The following RNLS variants were observed in gnomAD, a reference collection of about 807,000 sequenced individuals.
The protein encoded by RNLS is renalase.
A neutral mutation model predicts 39.8 loss-of-function variants in RNLS; 39 were observed. The ratio of observed to expected loss-of-function variants is 0.98; its 90% CI spans 0.76 to 1.28. The LOEUF (loss-of-function observed/expected upper bound fraction) is 1.28. RNLS is among the 50% of genes most tolerant of loss of function. The probability of loss-of-function intolerance (pLI) is 0.00; values close to 1 mark genes in which losing one functional copy is unlikely to be tolerated. For missense variants in RNLS, 410 were observed against 413.3 expected (o/e 0.99, Z 0.07); for synonymous variants, 147 against 150.7 (o/e 0.98, Z 0.18).
At chr10:88,412,335 G>A (rs557157762) in intron 4 of RNLS, among the ~76,000 whole-genome samples, 1 of 152,030 alleles carries the variant, frequency 6.6e-6, no homozygotes, top group African/African-American at 2.4e-5. Flanking sequence ...TGTAAGCGGG[G>A]GTGTTGAATG....
At chr10:88,347,490 T>A (rs1245018153) in intron 5 of RNLS, among the ~76,000 whole-genome samples, 1 of 152,128 alleles carries the variant, frequency 6.6e-6, no homozygotes. Flanking sequence ...ATATTGCCAT[T>A]TAGGCAGCAG....
chr10:88,491,979 GT>G (rs1844911536), intron 4 of RNLS, among the ~76,000 whole-genome samples: 1 of 149,266 alleles, frequency 6.7e-6, no homozygotes, highest in Non-Finnish European at 1.5e-5. Context: ...TTTTTTAGGG[GT>G]AAAATAAAAT....
At chr10:88,287,745 G>C (rs777303753) in intron 6 of RNLS, among the ~76,000 whole-genome samples, 1 of 152,072 alleles carries the variant, frequency 6.6e-6, no homozygotes, top group African/African-American at 2.4e-5. Flanking sequence ...GCATGTGAAG[G>C]AGGAACTGTC....
the RNLS span, among the ~76,000 whole-genome samples, chr10:88,184,427 A>T: frequency 2.6e-5 from 4 of 152,146 alleles, no homozygotes; most frequent in Non-Finnish European, 5.9e-5. Context: ...TGGGGGAGAC[A>T]TTGAAATTGA....
chr10:88,469,030 T>C (rs1843366308), intron 4 of RNLS, among the ~76,000 whole-genome samples: 1 of 152,174 alleles, frequency 6.6e-6, no homozygotes, highest in Admixed American at 6.6e-5. Flanking sequence ...ATGTTCATGA[T>C]ACATTAAAAA....
chr10:88,473,115 G>A (rs1843638128), intron 4 of RNLS, among the ~76,000 whole-genome samples: 1 of 152,098 alleles, frequency 6.6e-6, no homozygotes, highest in South Asian at 2.1e-4. Flanking sequence ...AATACTGTAG[G>A]CAACTGTAGC....
intron 5 of RNLS, among the ~76,000 whole-genome samples, chr10:88,339,616 G>A (rs1287765659): frequency 6.6e-6 from 1 of 152,126 alleles, no homozygotes; most frequent in African/African-American, 2.4e-5. Flanking sequence ...CACACAACAT[G>A]GTACCTGGCT....
chr10:88,388,846 C>A (rs1471261098), intron 4 of RNLS, among the ~76,000 whole-genome samples: 2 of 152,158 alleles, frequency 1.3e-5, no homozygotes. Flanking sequence ...CCAGAGCTTA[C>A]AACGTGGTAC....
chr10:88,226,465 A>C, the RNLS span, among the ~76,000 whole-genome samples: 2 of 152,208 alleles, frequency 1.3e-5, no homozygotes, highest in Non-Finnish European at 2.9e-5. Flanking sequence ...AACACTTGAT[A>C]AAGTTGGAGA....
chr10:88,244,910 G>C, the RNLS span, among the ~76,000 whole-genome samples: 19 of 152,166 alleles, frequency 1.2e-4, no homozygotes, highest in Admixed American at 1.1e-3. Flanking sequence ...GGGTAGCAAG[G>C]ATGGTGCCAT....
chr10:88,476,624 T>A (rs192479435), intron 4 of RNLS, among the ~76,000 whole-genome samples: 1 of 152,298 alleles, frequency 6.6e-6, no homozygotes, highest in African/African-American at 2.4e-5. Context: ...CTTGTAATAT[T>A]TCAAAGCAGA....
chr10:88,534,643 T>C (rs1463031452), intron 4 of RNLS, among the ~76,000 whole-genome samples: 1 of 152,068 alleles, frequency 6.6e-6, no homozygotes, highest in East Asian at 1.9e-4. Context: ...GTGTTGAGAA[T>C]TACACAAGCC....
chr10:88,305,452 C>T (rs769137967), intron 6 of RNLS, among the ~76,000 whole-genome samples: 7 of 152,160 alleles, frequency 4.6e-5, no homozygotes, highest in Admixed American at 2.0e-4. Flanking sequence ...AGAGACCCAT[C>T]TCACATGCAA....
At chr10:88,398,407 A>C (rs1820450082) in intron 4 of RNLS, among the ~76,000 whole-genome samples, 1 of 151,912 alleles carries the variant, frequency 6.6e-6, no homozygotes. Context: ...CCAGAGTGTG[A>C]GAGCTGGTTA....
At chr10:88,336,885 A>T (rs7912780) in intron 5 of RNLS, among the ~76,000 whole-genome samples, 25,078 of 151,998 alleles carry the variant, frequency 0.16, 2,769 homozygotes, top group African/African-American at 0.32. Flanking sequence ...ATGTAACATC[A>T]AGGTGTTGTG....
rs934752176 is a variant in RNLS, at chr10:88,436,438, C to G, written c.527-73713G>C. On this transcript the variant is annotated intron_variant, in intron 4 of 6. Transcript: ENST00000331772. ...AACCAAATTCTAGCCCCCTGTTCCA[C>G]AGCAAATCCACAGATTTATGCCAGT... Among the ~76,000 whole-genome samples, 3 of 152,284 alleles carry G rather than the reference C, an allele frequency of 2.0e-5. No homozygotes were observed. The South Asian group carries it at 6.2e-4, about 32-fold the overall frequency.
At position 88,390,116 on chromosome 10, in the gene RNLS, G is replaced by A. The variant is rs112227499; in HGVS notation, c.527-27391C>T. On this transcript the variant is annotated intron_variant, in intron 4 of 6. Coordinates refer to ENST00000331772, the MANE Select transcript of RNLS (RefSeq NM_001031709.3). ...TGTAATTAGGCTCACCATCAAAGCTGATAAAATCATCAAAATGGTAAGTGT... is the reference window on the plus strand; with the variant it reads ...TGTAATTAGGCTCACCATCAAAGCTAATAAAATCATCAAAATGGTAAGTGT... 1.7e-4 allele frequency among the ~76,000 whole-genome samples: 26 copies of A among 152,340 alleles called. 2 individuals carry two copies. Among genetic ancestry groups the A allele is most frequent in the African/African-American group, 5.8e-4 (24 of 41,578 alleles).
intron 4 of RNLS, among the ~76,000 whole-genome samples, chr10:88,475,760 A>G (rs889702574): frequency 3.3e-5 from 5 of 152,176 alleles, no homozygotes; most frequent in African/African-American, 1.2e-4. Context: ...TCAGCCTTTT[A>G]AAATTTTTAA....
At chr10:88,218,440 G>T in the RNLS span, among the ~76,000 whole-genome samples, 19 of 152,170 alleles carry the variant, frequency 1.2e-4, no homozygotes, top group Middle Eastern at 3.2e-3. Context: ...ACTTTCCTGG[G>T]GTTTTGTTCC....
Sources: gnomAD v4.1 joint callset for allele counts (sites outside exome capture counted in the v4.1 genomes callset) on GRCh38, gnomAD v4.1.1 for gene constraint, MANE v1.5 for transcripts, NCBI Gene and HGNC (gene_info 2026-07-23, HGNC 2026-07-21) for gene names.